DPY19L1: variants seen among roughly 807,000 people sequenced by gnomAD.
DPY19L1 encodes protein C-mannosyl-transferase DPY19L1.
A neutral mutation model predicts 96.9 loss-of-function variants in DPY19L1; 35 were observed. The observed-to-expected ratio is 0.36, with a 90% CI of 0.28 to 0.48. The LOEUF is 0.48. Ranked by LOEUF, DPY19L1 falls within the 20% of genes least tolerant of loss-of-function variation. The pLI is 0.99. For synonymous variants in DPY19L1, 205 were observed against 252.6 expected, an observed-to-expected ratio of 0.81 and a Z score of 1.79; for missense variants, 521 against 777.9, an observed-to-expected ratio of 0.67 and a Z score of 3.93.
chr7:34,983,796 A>G (rs1317231889), intron 7 of DPY19L1, among the ~76,000 whole-genome samples: 1 of 152,178 alleles, frequency 6.6e-6, no homozygotes, highest in Non-Finnish European at 1.5e-5. Flanking sequence ...TGGGGAAAAT[A>G]AAGTATTTAA....
At chr7:34,937,263 A>G (rs1783888264) in intron 21 of DPY19L1, among the ~76,000 whole-genome samples, 1 of 152,224 alleles carries the variant, frequency 6.6e-6, no homozygotes, top group African/African-American at 2.4e-5. Flanking sequence ...TTCCCATTCA[A>G]GTAAGATGTG....
At chr7:34,962,316 G>A (rs189192582) in intron 10 of DPY19L1, among the ~76,000 whole-genome samples, 174 of 152,276 alleles carry the variant, frequency 1.1e-3, no homozygotes, top group Middle Eastern at 6.8e-3. Flanking sequence ...AAACTTATTT[G>A]CTTTTTACTA....
chr7:35,026,681 G>A (rs1786127321), intron 1 of DPY19L1, among the ~76,000 whole-genome samples: 1 of 152,110 alleles, frequency 6.6e-6, no homozygotes, highest in Non-Finnish European at 1.5e-5. Flanking sequence ...TGATGAAATG[G>A]GCTTTATAAG....
At chr7:34,959,078 G>T (rs1456904236) in intron 10 of DPY19L1, among the ~76,000 whole-genome samples, 2 of 151,260 alleles carry the variant, frequency 1.3e-5, no homozygotes, top group African/African-American at 4.9e-5. Context: ...CTTCTCAAAA[G>T]AAGACATTTA....
In DPY19L1 at chr7:34,966,945, A is replaced by G. The variant is rs1784623244; in HGVS notation, c.1041T>C (p.Val347=). The G allele has an allele frequency of 6.5e-7, 1 of 1,542,938 alleles. No individual in the cohort carries two copies. Among genetic ancestry groups the G allele is most frequent in the Non-Finnish European group, 8.7e-7 (1 of 1,146,390 alleles). ...TQIASLFAVY[V]VGYIDICKLR... The stretch of plus-strand genomic sequence containing the variant: ...ATTTACATATATCAATGTACCCGAC[A>G]ACATATACTGCAAATAATGATGCAA... Residue 347 remains valine (V), a synonymous_variant, in exon 10 of 22, where the codon GTT becomes GTC. Coordinates refer to ENST00000638088, the MANE Select transcript of DPY19L1 (RefSeq NM_001366673.1).
intron 21 of DPY19L1, among the ~76,000 whole-genome samples, chr7:34,937,164 G>A (rs1783885936): frequency 6.6e-6 from 1 of 152,140 alleles, no homozygotes; most frequent in Admixed American, 6.5e-5. Flanking sequence ...CTGTCACTTG[G>A]AGCTATACTC....
At chr7:35,018,757 T>C (rs1427909403) in intron 1 of DPY19L1, among the ~76,000 whole-genome samples, 161 bp from the exon 2 acceptor site, 2 of 152,206 alleles carry the variant, frequency 1.3e-5, no homozygotes, top group African/African-American at 4.8e-5. Flanking sequence ...TGTGATTGAC[T>C]AGCTCATAAG....
At chr7:34,991,179 T>C (rs931668388) in intron 6 of DPY19L1, among the ~76,000 whole-genome samples, 1 of 152,034 alleles carries the variant, frequency 6.6e-6, no homozygotes, top group African/African-American at 2.4e-5. Flanking sequence ...CATTAAACGT[T>C]TGAGGAAAGA....
chr7:34,939,134 T>C (rs1783936786), intron 20 of DPY19L1, 142 bp downstream of exon 20: 1 of 698,064 alleles, frequency 1.4e-6, no homozygotes, highest in Non-Finnish European at 2.3e-6. Context: ...AGCGGTCTTA[T>C]TTCAGCTTTC....
intron 7 of DPY19L1, among the ~76,000 whole-genome samples, chr7:34,979,418 A>G (rs1784893844): frequency 1.3e-5 from 2 of 152,158 alleles, no homozygotes; most frequent in African/African-American, 4.8e-5. Flanking sequence ...TTGCACTGTC[A>G]AAATGATAAT....
intron 7 of DPY19L1, among the ~76,000 whole-genome samples, chr7:34,975,539 G>C (rs187350844): frequency 6.6e-6 from 1 of 152,188 alleles, no homozygotes; most frequent in Non-Finnish European, 1.5e-5. Flanking sequence ...TGATGTAGAC[G>C]CTGCAAGTTA....
chr7:34,997,513 G>A (rs573114125), intron 6 of DPY19L1, among the ~76,000 whole-genome samples: 4 of 149,184 alleles, frequency 2.7e-5, no homozygotes, highest in Admixed American at 6.7e-5. Context: ...GGGAGGCTGA[G>A]GCAGGAGAAT....
At chr7:34,974,764 T>A (rs567820159) in intron 7 of DPY19L1, among the ~76,000 whole-genome samples, 1 of 152,200 alleles carries the variant, frequency 6.6e-6, no homozygotes, top group African/African-American at 2.4e-5. Flanking sequence ...AATTGAAGGT[T>A]TGTGGCAACC....
At chr7:35,008,476 T>A (rs1785619127) in intron 6 of DPY19L1, among the ~76,000 whole-genome samples, 1 of 152,216 alleles carries the variant, frequency 6.6e-6, no homozygotes, top group African/African-American at 2.4e-5. Context: ...AAAACAGTTA[T>A]AACAAGCATT....
intron 1 of DPY19L1, among the ~76,000 whole-genome samples, chr7:35,020,841 T>C (rs140471301): frequency 6.6e-6 from 1 of 152,114 alleles, no homozygotes; most frequent in Admixed American, 6.5e-5. Flanking sequence ...CCCGAGTAGC[T>C]GGGATTACAG....
chr7:34,990,841 T>G (rs1785151186), intron 6 of DPY19L1, among the ~76,000 whole-genome samples: 1 of 152,216 alleles, frequency 6.6e-6, no homozygotes, highest in African/African-American at 2.4e-5. Flanking sequence ...CTATCTACCT[T>G]CCTTTTATTT....
intron 17 of DPY19L1, 109 bp from the exon 18 acceptor site, chr7:34,941,993 T>C: frequency 8.7e-7 from 1 of 1,150,166 alleles, no homozygotes; most frequent in South Asian, 1.7e-5. Flanking sequence ...CAAAAAATAC[T>C]ACTAAGGTTT....
chr7:34,972,367 G>A (rs768273003), intron 8 of DPY19L1, among the ~76,000 whole-genome samples: 2 of 152,162 alleles, frequency 1.3e-5, no homozygotes, highest in African/African-American at 2.4e-5. Flanking sequence ...AGGAAGCAGC[G>A]CTCAGTCCCC....
intron 6 of DPY19L1, among the ~76,000 whole-genome samples, chr7:34,992,462 T>C (rs749027725): frequency 2.0e-5 from 3 of 152,150 alleles, no homozygotes; most frequent in East Asian, 1.9e-4. Flanking sequence ...TCTCAGATTA[T>C]AGATTAACTT....
Sources: allele counts gnomAD v4.1 joint callset (sites outside exome capture counted in the v4.1 genomes callset), GRCh38; gene constraint gnomAD v4.1.1; transcripts MANE v1.5; gene names NCBI Gene and HGNC (gene_info 2026-07-23, HGNC 2026-07-21).